UBE3A: variants seen among roughly 807,000 people sequenced by gnomAD.
UBE3A encodes the protein ubiquitin-protein ligase E3A.
UBE3A carries 6 observed loss-of-function variants against 83.4 expected under a neutral mutation model. The observed-to-expected ratio is 0.07, with a 90% CI of 0.04 to 0.14. The LOEUF is 0.14. Among genes scored for constraint, UBE3A ranks in the 10% least tolerant of loss-of-function variants. UBE3A has a pLI of 1.00. For missense variants in UBE3A, 456 were observed against 1,036.1 expected (o/e 0.44, Z 7.69); for synonymous variants, 337 against 355.4 (o/e 0.95, Z 0.58).
In UBE3A at chr15:25,398,767, TTATTTATATATA is replaced by T. The variant is rs1312900155; in HGVS notation, c.62+6682_62+6693del. Among the ~76,000 whole-genome samples the T allele has an allele frequency of 1.3e-3, 90 of 67,134 alleles. 2 individuals are homozygous for T. The highest frequency in any genetic ancestry group is 4.3e-3 in the African/African-American group (86 of 19,842). The allele number at this position is 67,134 out of a possible 152,430, so 44.0% of individuals were successfully genotyped here. On this transcript the variant is annotated intron_variant, in intron 4 of 12. Transcript: ENST00000648336. Reference sequence around the variant, plus strand: ...TCTTCAGCGCACTGATTTTATTCTTTTATTTATATATATATATATATATATATATATATATAT... The same window carrying T: ...TCTTCAGCGCACTGATTTTATTCTTTTATATATATATATATATATATATAT...
chr15:25,398,040 C>T (rs2085974710), intron 4 of UBE3A, among the ~76,000 whole-genome samples: 1 of 151,472 alleles, frequency 6.6e-6, no homozygotes, highest in South Asian at 2.1e-4. Context: ...GGTTTGGTGA[C>T]AAATAAAAAT....
At chr15:25,341,074 A>G (rs866995378) in intron 11 of UBE3A, among the ~76,000 whole-genome samples, 1 of 148,094 alleles carries the variant, frequency 6.8e-6, no homozygotes, top group South Asian at 2.1e-4. Flanking sequence ...AGCTAAATAA[A>G]TTTTTTTTTT....
chr15:25,338,607 C>CAA lies in UBE3A; in HGVS notation c.*528_*529dup, dbSNP rs2152504477. 6.6e-6 allele frequency: 1 copy of CAA among 152,002 alleles called. No homozygotes were observed. Among genetic ancestry groups the CAA allele is most frequent in the African/African-American group, 2.4e-5 (1 of 41,436 alleles). The allele number at this position is 152,002 out of a possible 1,614,324, so 9.4% of individuals were successfully genotyped here. On this transcript the variant is annotated 3_prime_UTR_variant, in exon 13 of 13. Coordinates refer to ENST00000648336, the MANE Select transcript of UBE3A (RefSeq NM_130839.5). ...TTGCATCACACTGTTTTCAAGACTT[C>CAA]AAGTTTCAAAAGCAAATCATTAAAA...
chr15:25,388,175 A>G (rs1263615607), intron 4 of UBE3A, among the ~76,000 whole-genome samples: 1 of 152,138 alleles, frequency 6.6e-6, no homozygotes, highest in Non-Finnish European at 1.5e-5. Flanking sequence ...AAAACTACAG[A>G]CCCATATTTG....
intron 1 of UBE3A, among the ~76,000 whole-genome samples, chr15:25,412,523 A>ATAATTT (rs2090182140): frequency 6.6e-6 from 1 of 152,164 alleles, no homozygotes; most frequent in Admixed American, 6.5e-5. Flanking sequence ...ATACGACGAT[A>ATAATTT]ATTATAATTT....
chr15:25,356,743 C>T lies in UBE3A; in HGVS notation c.1907G>A (p.Arg636Lys). The change falls in exon 8 of 13, where the codon AGG becomes AAG. Residue 636 changes from arginine to lysine, a missense_variant. By Grantham distance (26) the Arg-to-Lys change is conservative. Around this residue, in one of 13 missense-constraint regions of UBE3A, gnomAD observed 58 missense variants for 237.1 expected, o/e 0.24. Transcript: ENST00000648336. The part of the protein sequence containing the change: ...LDVHFPMVVY[R>K]KLMGKKGTFR... Reference sequence around the variant, plus strand: ...AGTTCCTTTTTTCCCCATTAGCTTCCTGTAGACAACCATGGGAAAATGTAC... The same window carrying T: ...AGTTCCTTTTTTCCCCATTAGCTTCTTGTAGACAACCATGGGAAAATGTAC... 6.2e-7 allele frequency: 1 copy of T among 1,613,688 alleles called. No individual in the cohort carries two copies. The highest frequency in any genetic ancestry group is 8.5e-7 in the Non-Finnish European group (1 of 1,179,880).
At chr15:25,361,023 G>A (rs10162823) in intron 6 of UBE3A, among the ~76,000 whole-genome samples, 27,582 of 151,838 alleles carry the variant, frequency 0.18, 3,174 homozygotes, top group African/African-American at 0.33. Context: ...GTCTCTCACA[G>A]TAAGACTTAG....
At chr15:25,398,470 C>T (rs1429550154) in intron 4 of UBE3A, among the ~76,000 whole-genome samples, 9 of 151,908 alleles carry the variant, frequency 5.9e-5, no homozygotes, top group Non-Finnish European at 1.2e-4. Flanking sequence ...TCCACTCACC[C>T]CCAGCCCCTG....
At chr15:25,388,435 C>G (rs1436021783) in intron 4 of UBE3A, among the ~76,000 whole-genome samples, 3 of 152,046 alleles carry the variant, frequency 2.0e-5, no homozygotes, top group Admixed American at 2.0e-4. Flanking sequence ...ATGATAGAAA[C>G]TAGTAAACTA....
chr15:25,410,267 T>C (rs1338630945), intron 2 of UBE3A, among the ~76,000 whole-genome samples: 1 of 152,148 alleles, frequency 6.6e-6, no homozygotes, highest in Non-Finnish European at 1.5e-5. Context: ...TGAAAGCATA[T>C]CCTCCTCCCT....
chr15:25,416,184 A>G (rs890264447), intron 1 of UBE3A, among the ~76,000 whole-genome samples: 4 of 152,216 alleles, frequency 2.6e-5, no homozygotes, highest in African/African-American at 9.6e-5. Flanking sequence ...AGAAGTAAAC[A>G]TATTCACAAG....
chr15:25,375,920 C>T (rs759411031), intron 4 of UBE3A, among the ~76,000 whole-genome samples, 157 bp from the exon 5 acceptor site: 1 of 152,154 alleles, frequency 6.6e-6, no homozygotes, highest in Non-Finnish European at 1.5e-5. Context: ...TTTACCACAA[C>T]TCCTGACTAG....
intron 4 of UBE3A, among the ~76,000 whole-genome samples, chr15:25,378,684 A>G (rs1420404616): frequency 6.6e-6 from 1 of 152,166 alleles, no homozygotes; most frequent in Non-Finnish European, 1.5e-5. Flanking sequence ...CATTTTGACT[A>G]TATTGTTTTG....
intron 1 of UBE3A, among the ~76,000 whole-genome samples, chr15:25,423,504 A>T (rs1008354467): frequency 6.6e-6 from 1 of 152,204 alleles, no homozygotes; most frequent in Admixed American, 6.5e-5. Flanking sequence ...CGAATTTCCA[A>T]AACAGGCAAA....
rs78685541 is a variant in UBE3A at position 25,391,691 on chromosome 15, A to T, written c.62+13770T>A. The T allele has an allele frequency of 2.0e-5, 3 of 152,364 alleles. No homozygotes were observed. The East Asian group carries it at 5.8e-4, about 29-fold the overall frequency. The allele number at this position is 152,364 out of a possible 1,614,324, so 9.4% of individuals were successfully genotyped here. On this transcript the variant is annotated intron_variant, in intron 4 of 12. Transcript: ENST00000648336. ...GAGGGAATTGTAGCTGGAAGACAGT[A>T]GAAGAGCCATAGGACAAGTCTCTAA...
chr15:25,394,444 C>T (rs1018919499), intron 4 of UBE3A, among the ~76,000 whole-genome samples: 7 of 152,188 alleles, frequency 4.6e-5, no homozygotes, highest in Non-Finnish European at 8.8e-5. Flanking sequence ...AGGAGAACCA[C>T]TTATTTGATT....
At chr15:25,426,444 TTATGCCTGCTATA>T (rs1891341288) in intron 1 of UBE3A, among the ~76,000 whole-genome samples, 1 of 152,194 alleles carries the variant, frequency 6.6e-6, no homozygotes, top group South Asian at 2.1e-4. Flanking sequence ...TTATGCCAAT[TTATGCCTGCTATA>T]TATGCACACA....
chr15:25,353,677 G>T (rs2076831122), intron 11 of UBE3A, among the ~76,000 whole-genome samples: 1 of 152,216 alleles, frequency 6.6e-6, no homozygotes, highest in Non-Finnish European at 1.5e-5. Flanking sequence ...ACAACTTCCA[G>T]GAAGGTACGT....
Position 25,339,034 on chromosome 15 carries a change from C to T in UBE3A, c.*103G>A. The T allele has an allele frequency of 1.5e-6, 2 of 1,332,878 alleles. No individual in the cohort carries two copies. Among genetic ancestry groups the T allele is most frequent in the East Asian group, 2.6e-5 (1 of 38,190 alleles). The allele number at this position is 1,332,878 out of a possible 1,614,324, so 82.6% of individuals were successfully genotyped here. On this transcript the variant is annotated 3_prime_UTR_variant, in exon 13 of 13. Transcript: ENST00000648336. ...CTTACAGCCTTTTTGTACTGGGACA[C>T]TATCACCACCAAAAATTTATCCCTC... is the stretch of plus-strand genomic sequence containing the variant.
Sources: allele counts gnomAD v4.1 joint callset (sites outside exome capture counted in the v4.1 genomes callset), GRCh38; gene constraint gnomAD v4.1.1; regional missense constraint gnomAD v4.1.1; transcripts MANE v1.5; gene names NCBI Gene and HGNC (gene_info 2026-07-23, HGNC 2026-07-21).